RAPGEF2: variants seen among roughly 807,000 people sequenced by gnomAD.
RAPGEF2 encodes PDZ domain containing guanine nucleotide exchange factor (GEF) 1.
In RAPGEF2, 54 loss-of-function variants were observed where a neutral mutation model predicts 186.7. That is an observed-to-expected ratio of 0.29 (90% CI 0.23 to 0.36). The LOEUF (loss-of-function observed/expected upper bound fraction) is 0.36, where lower values mean the gene tolerates loss of function less well. Ranked by LOEUF, RAPGEF2 falls within the 10% of genes least tolerant of loss-of-function variation. RAPGEF2 has a pLI of 1.00. For missense variants in RAPGEF2, 1,532 were observed against 2,045.0 expected (o/e 0.75, Z 4.84); for synonymous variants, 712 against 705.9 (o/e 1.01, Z -0.14).
At chr4:159,304,064 A>G (rs549323611) in intron 7 of RAPGEF2, among the ~76,000 whole-genome samples, 1 of 152,272 alleles carries the variant, frequency 6.6e-6, no homozygotes. Context: ...ATTTTAGCTT[A>G]CTAAATTAAA....
chr4:159,225,177 A>G (rs1751900574), intron 4 of RAPGEF2, among the ~76,000 whole-genome samples: 1 of 152,176 alleles, frequency 6.6e-6, no homozygotes, highest in Admixed American at 6.5e-5. Context: ...ATACCAGAGG[A>G]AAAGAGGAGT....
chr4:159,154,505 C>CT (rs5863351), intron 1 of RAPGEF2, among the ~76,000 whole-genome samples: 50,083 of 136,586 alleles, frequency 0.37, 8,595 homozygotes, highest in African/African-American at 0.43. Context: ...CTCACATCAC[C>CT]TTTTTTTTTT....
At chr4:159,230,220 C>T (rs1406337152) in intron 4 of RAPGEF2, among the ~76,000 whole-genome samples, 1 of 152,170 alleles carries the variant, frequency 6.6e-6, no homozygotes, top group African/African-American at 2.4e-5. Flanking sequence ...TAACTAGACA[C>T]CTCTTATCAA....
At chr4:159,318,654 A>T (rs1764886259) in intron 9 of RAPGEF2, among the ~76,000 whole-genome samples, 2 of 152,120 alleles carry the variant, frequency 1.3e-5, no homozygotes, top group African/African-American at 4.8e-5. Context: ...CTTTGTAGGT[A>T]CTCCATTATT....
chr4:159,301,878 A>G (rs1014867399), intron 7 of RAPGEF2, among the ~76,000 whole-genome samples: 1 of 152,154 alleles, frequency 6.6e-6, no homozygotes, highest in East Asian at 1.9e-4. Context: ...AAATAAAAAA[A>G]AATCTTGTAT....
chr4:159,201,357 C>T (rs192356323), intron 3 of RAPGEF2, among the ~76,000 whole-genome samples: 1 of 151,972 alleles, frequency 6.6e-6, no homozygotes, highest in Non-Finnish European at 1.5e-5. Context: ...TTTTTGAAGC[C>T]GTGGAACACT....
chr4:159,224,161 A>G (rs1259086024), intron 4 of RAPGEF2, among the ~76,000 whole-genome samples: 1 of 152,194 alleles, frequency 6.6e-6, no homozygotes, highest in Non-Finnish European at 1.5e-5. Flanking sequence ...GGCCTCCCAA[A>G]GTGCTGGGAT....
chr4:159,279,239 C>G (rs1759355154), intron 7 of RAPGEF2, among the ~76,000 whole-genome samples: 1 of 152,228 alleles, frequency 6.6e-6, no homozygotes, highest in South Asian at 2.1e-4. Flanking sequence ...AAGTAACTTT[C>G]TCACAGTCAC....
chr4:159,133,156 A>G (rs1158315178), intron 1 of RAPGEF2, among the ~76,000 whole-genome samples: 1 of 152,164 alleles, frequency 6.6e-6, no homozygotes, highest in Non-Finnish European at 1.5e-5. Flanking sequence ...TGATCTTTCC[A>G]TATCAGTACA....
At chr4:159,322,218 C>A (rs1172728059) in intron 9 of RAPGEF2, 129 bp from the exon 10 acceptor site, 5 of 712,034 alleles carry the variant, frequency 7.0e-6, no homozygotes, top group Middle Eastern at 3.1e-4. Context: ...GCTAAAGATA[C>A]TTGATATGTA....
chr4:159,116,186 A>C (rs920441139), intron 1 of RAPGEF2, among the ~76,000 whole-genome samples: 1 of 152,204 alleles, frequency 6.6e-6, no homozygotes, highest in African/African-American at 2.4e-5. Context: ...CAATCTAGCC[A>C]TCTGACAAAG....
chr4:159,178,581 G>A (rs1371897466), intron 1 of RAPGEF2, among the ~76,000 whole-genome samples: 7 of 105,826 alleles, frequency 6.6e-5, no homozygotes, highest in South Asian at 3.0e-4. Flanking sequence ...TTTTTGAGAC[G>A]GAGTCTCGCT....
At chr4:159,165,505 G>T (rs1028960831) in intron 1 of RAPGEF2, among the ~76,000 whole-genome samples, 2 of 152,110 alleles carry the variant, frequency 1.3e-5, no homozygotes, top group Admixed American at 6.5e-5. Context: ...TTTGCCTAAA[G>T]GTTTTTGAAG....
At chr4:159,288,990 A>G (rs1760850931) in intron 7 of RAPGEF2, among the ~76,000 whole-genome samples, 1 of 152,152 alleles carries the variant, frequency 6.6e-6, no homozygotes, top group African/African-American at 2.4e-5. Flanking sequence ...ATTCCCAGCC[A>G]TCACCATCTA....
rs1579970109 is a variant in RAPGEF2, at chr4:159,331,542, A to G, written c.1575+4A>G. The G allele has an allele frequency of 1.2e-6, 2 of 1,611,312 alleles. No individual in the cohort carries two copies. The highest frequency in any genetic ancestry group is 1.7e-6 in the Non-Finnish European group (2 of 1,177,730). On this transcript the variant is annotated splice_donor_region_variant and intron_variant, in intron 14 of 29. Coordinates refer to ENST00000691494, the MANE Select transcript of RAPGEF2 (RefSeq NM_001394067.2). ...TGAAAACAATCTGGAAAGAGAGGTA[A>G]TATTTGTGGTTTTTTTTAAGATCAG...
At chr4:159,304,207 A>G in intron 7 of RAPGEF2, 135 bp from the exon 8 acceptor site, 7 of 788,948 alleles carry the variant, frequency 8.9e-6, no homozygotes, top group Non-Finnish European at 1.3e-5. Flanking sequence ...AATATTTAGT[A>G]ATTTGTGAAT....
chr4:159,123,663 C>T (rs1234533448), intron 1 of RAPGEF2, among the ~76,000 whole-genome samples: 2 of 150,774 alleles, frequency 1.3e-5, no homozygotes, highest in African/African-American at 2.4e-5. Flanking sequence ...GGACTACAGG[C>T]GCCCACCACC....
At chr4:159,252,591 C>T (rs1755593558) in intron 7 of RAPGEF2, among the ~76,000 whole-genome samples, 1 of 152,144 alleles carries the variant, frequency 6.6e-6, no homozygotes, top group Non-Finnish European at 1.5e-5. Context: ...GTAGTATAAA[C>T]TTTTGCCTAA....
intron 7 of RAPGEF2, among the ~76,000 whole-genome samples, chr4:159,293,209 C>G (rs1337694471): frequency 1.3e-5 from 2 of 152,032 alleles, no homozygotes; most frequent in Non-Finnish European, 2.9e-5. Flanking sequence ...AAAATGAAAA[C>G]AATTTTCTCG....
Sources: gnomAD v4.1 joint callset for allele counts (sites outside exome capture counted in the v4.1 genomes callset) on GRCh38, gnomAD v4.1.1 for gene constraint, MANE v1.5 for transcripts, NCBI Gene and HGNC (gene_info 2026-07-23, HGNC 2026-07-21) for gene names.